Variants in QRFPR observed in about 807,000 individuals in gnomAD.
The protein encoded by QRFPR is pyroglutamylated RF-amide peptide receptor.
QRFPR carries 37 observed loss-of-function variants against 31.3 expected under a neutral mutation model. The observed-to-expected ratio is 1.18, with a 90% CI of 0.91 to 1.56. The LOEUF is 1.56. Ranked by LOEUF, QRFPR falls within the 40% of genes most tolerant of loss-of-function variation. The probability of loss-of-function intolerance (pLI) is 0.00; values close to 1 mark genes in which losing one functional copy is unlikely to be tolerated. For synonymous variants in QRFPR, 197 were observed against 192.0 expected, an observed-to-expected ratio of 1.03 and a Z score of -0.22; for missense variants, 542 against 532.5, an observed-to-expected ratio of 1.02 and a Z score of -0.18.
chr4:121,378,290 CTT>C (rs1726394919), intron 1 of QRFPR, among the ~76,000 whole-genome samples: 1 of 152,022 alleles, frequency 6.6e-6, no homozygotes, highest in South Asian at 2.1e-4. Flanking sequence ...GAAAAGAAAA[CTT>C]GAGAAAAACC....
chr4:121,334,668 C>A, intron 3 of QRFPR: 1 of 354,302 alleles, frequency 2.8e-6, no homozygotes, highest in Non-Finnish European at 5.6e-6. Flanking sequence ...GTTGTGAATT[C>A]ACATTTTTCA....
In QRFPR at chr4:121,369,349, C is replaced by A. The variant is rs951283001; in HGVS notation, c.340+10959G>T. On this transcript the variant is annotated intron_variant, in intron 1 of 5. Coordinates refer to ENST00000394427, the MANE Select transcript of QRFPR (RefSeq NM_198179.3). ...CAGCTGATTAAGTTTTTAAATATAC[C>A]TTTCCTATGTCAAAGCCAAGATAAA... 1.3e-4 allele frequency: 85 copies of A among 640,282 alleles called. No homozygotes were observed. In the South Asian group the frequency reaches 1.6e-3, roughly 12 times the overall value. 39.7% of individuals were successfully genotyped at this position (640,282 alleles called of 1,614,324 possible).
At chr4:121,375,047 G>A (rs534322115) in intron 1 of QRFPR, among the ~76,000 whole-genome samples, 2 of 152,104 alleles carry the variant, frequency 1.3e-5, no homozygotes, top group South Asian at 4.2e-4. Flanking sequence ...TCCTAGCAAG[G>A]CCACTACTCC....
Position 121,369,668 on chromosome 4 carries a change from C to T in QRFPR, c.340+10640G>A, listed in dbSNP as rs1475268436. 3.2e-6 allele frequency: 5 copies of T among 1,582,522 alleles called. No homozygotes were observed. In the African/African-American group the frequency reaches 6.7e-5, roughly 21 times the overall value. ...ATCATACTTCTGAAGGGATCTCAGT[C>T]CAAAGAGGCCCCACTTATCTGACAA... On this transcript the variant is annotated intron_variant, in intron 1 of 5. Coordinates refer to ENST00000394427, the MANE Select transcript of QRFPR (RefSeq NM_198179.3).
intron 1 of QRFPR, among the ~76,000 whole-genome samples, chr4:121,362,864 A>C (rs1267143141): frequency 6.6e-6 from 1 of 150,466 alleles, no homozygotes; most frequent in African/African-American, 2.5e-5. Context: ...AACCATACTT[A>C]TCTGACATGA....
intron 1 of QRFPR, among the ~76,000 whole-genome samples, chr4:121,366,833 A>G (rs2110482410): frequency 6.7e-6 from 1 of 150,284 alleles, no homozygotes; most frequent in South Asian, 2.1e-4. Flanking sequence ...TTTGGCACAT[A>G]GTAAGCTCTA....
chr4:121,345,872 A>G (rs1265012578), intron 1 of QRFPR, among the ~76,000 whole-genome samples: 1 of 152,208 alleles, frequency 6.6e-6, no homozygotes, highest in East Asian at 1.9e-4. Context: ...TTGAAAATTG[A>G]AAACAGTTTG....
chr4:121,352,925 T>C (rs1005258873), intron 1 of QRFPR, among the ~76,000 whole-genome samples: 3 of 151,870 alleles, frequency 2.0e-5, no homozygotes, highest in Non-Finnish European at 2.9e-5. Flanking sequence ...CAAAAGTTCA[T>C]TTTTTTTCTT....
Position 121,329,102 on chromosome 4 carries a change from A to C in QRFPR, c.*212T>G. 1 of 449,154 alleles carries C rather than the reference A, an allele frequency of 2.2e-6. No individual in the cohort carries two copies. Among genetic ancestry groups the C allele is most frequent in the East Asian group, 3.6e-5 (1 of 28,054 alleles). The allele number at this position is 449,154 out of a possible 1,614,324, so 27.8% of individuals were successfully genotyped here. A position where few individuals can be genotyped will look rare whatever the true frequency, so the allele number is the denominator to read the frequency against. On this transcript the variant is annotated 3_prime_UTR_variant, in exon 6 of 6. Transcript: ENST00000394427. ...AGTCAAGTGAAGCAGTGGGAATGAGAAGGAACACAGAAATCTGTTAAATGA... is the reference window on the plus strand; with the variant it reads ...AGTCAAGTGAAGCAGTGGGAATGAGCAGGAACACAGAAATCTGTTAAATGA...
intron 1 of QRFPR, among the ~76,000 whole-genome samples, chr4:121,371,675 G>T (rs1162237157): frequency 1.3e-5 from 2 of 152,188 alleles, no homozygotes; most frequent in South Asian, 4.1e-4. Context: ...TGATCGGGGA[G>T]CTTTAGTCCC....
Position 121,329,369 on chromosome 4 carries a change from A to C in QRFPR, c.1241T>G (p.Leu414Arg), listed in dbSNP as rs139174280. The C allele has an allele frequency of 1.5e-5, 24 of 1,614,144 alleles. No homozygotes were observed. The African/African-American group carries it at 2.9e-4, about 20-fold the overall frequency. The change falls in exon 6 of 6, where the codon CTT (leucine) becomes CGT (arginine). Residue 414 changes from leucine to arginine, a missense_variant. Leu to Arg is a moderately radical substitution (Grantham distance 102, BLOSUM62 -2). Coordinates refer to ENST00000394427, the MANE Select transcript of QRFPR (RefSeq NM_198179.3). ...TEEKKKLKRH[L>R]ALFRSELAEN... is the part of the protein sequence containing the mutation. ...AGCCAGTTCAGACCTAAAGAGAGCAAGATGTCGTTTGAGCTTTTTCTTCTC... is the reference window on the plus strand; with the variant it reads ...AGCCAGTTCAGACCTAAAGAGAGCACGATGTCGTTTGAGCTTTTTCTTCTC...
Position 121,329,383 on chromosome 4 carries a change from CT to C in QRFPR, c.1226del (p.Lys409SerfsTer19). On this transcript the variant is annotated frameshift_variant, in exon 6 of 6. Coordinates refer to ENST00000394427, the MANE Select transcript of QRFPR (RefSeq NM_198179.3). LOFTEE classifies it low-confidence loss of function (END_TRUNC). ...TAAAGAGAGCAAGATGTCGTTTGAG[CT>C]TTTTCTTCTCCTCTGTCTGTTCACA... ...KLCEQTEEKKKLKRHLALFRS... is the reference protein window; with the variant it reads ...KLCEQTEEKKXLKRHLALFRS... 6.2e-7 allele frequency: 1 copy of C among 1,614,116 alleles called. No individual in the cohort carries two copies. Among genetic ancestry groups the C allele is most frequent in the Non-Finnish European group, 8.5e-7 (1 of 1,179,976 alleles).
At chr4:121,352,645 G>T (rs1410805329) in intron 1 of QRFPR, among the ~76,000 whole-genome samples, 1 of 151,872 alleles carries the variant, frequency 6.6e-6, no homozygotes, top group Non-Finnish European at 1.5e-5. Context: ...TTTTGATACA[G>T]GCATACAATA....
intron 3 of QRFPR, among the ~76,000 whole-genome samples, chr4:121,334,869 C>T (rs977272669): frequency 1.3e-5 from 2 of 152,010 alleles, no homozygotes; most frequent in African/African-American, 2.4e-5. Flanking sequence ...AAGCTCAGGA[C>T]GATATTAGGC....
intron 1 of QRFPR, among the ~76,000 whole-genome samples, chr4:121,359,265 G>A (rs78932279): frequency 0.021 from 3,129 of 152,232 alleles, 100 homozygotes; most frequent in African/African-American, 0.072. Flanking sequence ...GGTTAATACT[G>A]TCAACTTGAT....
In QRFPR at chr4:121,367,882, A is replaced by AT. The variant is rs33979199; in HGVS notation, c.340+12425dup. 9.0e-3 allele frequency among the ~76,000 whole-genome samples: 1,302 copies of AT among 144,178 alleles called. 53 individuals are homozygous for AT. The highest frequency in any genetic ancestry group is 0.012 in the Admixed American group (171 of 14,552). The allele number at this position is 144,178 out of a possible 152,430, so 94.6% of individuals were successfully genotyped here. ...CTTTGCCAACCTACAACATTTGCAG[A>AT]TTTTTTTTTTTTGGAGAAAGTAGTA... On this transcript the variant is annotated intron_variant, in intron 1 of 5. Coordinates refer to ENST00000394427, the MANE Select transcript of QRFPR (RefSeq NM_198179.3).
chr4:121,336,919 T>A, intron 2 of QRFPR, 51 bp from the exon 3 acceptor site: 1 of 1,462,852 alleles, frequency 6.8e-7, no homozygotes, highest in Non-Finnish European at 9.6e-7. Flanking sequence ...GTAAAACACA[T>A]CCATGCATAA....
At chr4:121,361,118 C>T (rs569480971) in intron 1 of QRFPR, among the ~76,000 whole-genome samples, 2 of 133,512 alleles carry the variant, frequency 1.5e-5, no homozygotes, top group South Asian at 2.3e-4. Flanking sequence ...CAGCCACACG[C>T]TACAGAAACG....
intron 3 of QRFPR, 118 bp from the exon 4 acceptor site, chr4:121,333,174 G>A (rs746457807): frequency 5.6e-5 from 36 of 643,300 alleles, no homozygotes; most frequent in Admixed American, 5.3e-4. Flanking sequence ...TCCCCAGCAC[G>A]TATTTCAAAT....
Sources: gnomAD v4.1 joint callset for allele counts (sites outside exome capture counted in the v4.1 genomes callset) on GRCh38, gnomAD v4.1.1 for gene constraint, MANE v1.5 for transcripts, NCBI Gene and HGNC (gene_info 2026-07-23, HGNC 2026-07-21) for gene names.